Variants in NINL observed in about 807,000 individuals in gnomAD.
NINL encodes ninein like.
Under a neutral mutation model 160.3 loss-of-function variants are expected in NINL, and 153 were observed. The observed-to-expected ratio is 0.95, with a 90% CI of 0.84 to 1.09. The LOEUF is 1.09. Ranked by LOEUF, NINL falls within the 50% of genes least tolerant of loss-of-function variation. The pLI is 0.00. For missense variants in NINL, 1,829 were observed against 1,764.0 expected (o/e 1.04, Z -0.66); for synonymous variants, 800 against 734.8 (o/e 1.09, Z -1.43).
intron 5 of NINL, among the ~76,000 whole-genome samples, chr20:25,505,742 A>ATGGCTGGATGGATGGACAGG (rs2063950054): frequency 6.6e-6 from 1 of 152,222 alleles, no homozygotes; most frequent in Admixed American, 6.5e-5. Flanking sequence ...GGATGGACAG[A>ATGGCTGGATGGATGGACAGG]TAGCAGGATG....
In NINL at chr20:25,526,579, T is replaced by A. The variant is rs756408659; in HGVS notation, c.9A>T (p.Glu3Asp). The change falls in exon 2 of 24, where the codon GAA (glutamate) becomes GAT (aspartate). Residue 3 changes from glutamate to aspartate, a missense_variant. Coordinates refer to ENST00000278886, the MANE Select transcript of NINL (RefSeq NM_025176.6). MD[E>D]EENHYVSQLR... ...GCTGCGAGACATAGTGGTTCTCTTC[T>A]TCATCCATCCCATAGCAGGCTGGCA... 1 of 1,613,706 alleles carries A rather than the reference T, an allele frequency of 6.2e-7. No individual in the cohort carries two copies. The highest frequency in any genetic ancestry group is 8.5e-7 in the Non-Finnish European group (1 of 1,179,616).
intron 1 of NINL, among the ~76,000 whole-genome samples, chr20:25,553,970 T>A (rs906989743): frequency 1.3e-5 from 2 of 152,160 alleles, no homozygotes. Context: ...CAGCTGCAAA[T>A]AATAAACATG....
intron 7 of NINL, among the ~76,000 whole-genome samples, chr20:25,501,982 AAATTT>A (rs1336297483): frequency 1.3e-5 from 2 of 151,950 alleles, no homozygotes; most frequent in African/African-American, 4.8e-5. Context: ...AAATTAAATT[AAATTT>A]ATTTATTTAT....
At position 25,489,749 on chromosome 20, in the gene NINL, A is replaced by G. The variant is rs1306474039; in HGVS notation, c.1596+126T>C. 9.6e-6 allele frequency: 7 copies of G among 730,116 alleles called. No homozygotes were observed. The East Asian group carries it at 1.8e-4, about 19-fold the overall frequency. The allele number at this position is 730,116 out of a possible 1,614,324, so 45.2% of individuals were successfully genotyped here. On this transcript the variant is annotated intron_variant, in intron 12 of 23. Coordinates refer to ENST00000278886, the MANE Select transcript of NINL (RefSeq NM_025176.6). ...AAGGCCTCATGCTGACTTTCTCTTC[A>G]TTCTAAATTTTAGGAGAATACCGCA...
chr20:25,468,254 G>A (rs568099098), intron 18 of NINL, among the ~76,000 whole-genome samples: 4 of 128,590 alleles, frequency 3.1e-5, no homozygotes, highest in East Asian at 2.2e-4. Flanking sequence ...CTCTGTCCCC[G>A]CCAACTCTCA....
chr20:25,581,782 T>C (rs1456665488), intron 1 of NINL, among the ~76,000 whole-genome samples: 5 of 152,252 alleles, frequency 3.3e-5, no homozygotes, highest in Non-Finnish European at 7.3e-5. Flanking sequence ...CTTGTTATTC[T>C]ATTTTCCATC....
At chr20:25,539,639 G>A (rs560004782) in intron 1 of NINL, among the ~76,000 whole-genome samples, 34 of 152,232 alleles carry the variant, frequency 2.2e-4, no homozygotes, top group African/African-American at 7.5e-4. Context: ...TTCCAGAGGC[G>A]CCTAGCTGCA....
At chr20:25,565,075 TG>T (rs1244896748) in intron 1 of NINL, among the ~76,000 whole-genome samples, 2 of 152,196 alleles carry the variant, frequency 1.3e-5, no homozygotes, top group Non-Finnish European at 2.9e-5. Flanking sequence ...TCATAAGTTT[TG>T]TTACATCTCC....
In NINL at chr20:25,489,905, C is replaced by A. The variant is rs749022578; in HGVS notation, c.1566G>T (p.Gln522His). The A allele has an allele frequency of 1.9e-6, 3 of 1,614,210 alleles. No individual in the cohort carries two copies. Among genetic ancestry groups the A allele is most frequent in the Non-Finnish European group, 2.5e-6 (3 of 1,180,020 alleles). ...SDSERLALKL[Q>H]KDLEFVLKDK... ...CCTTCAGCACAAACTCCAGGTCCTT[C>A]TGCAGCTTCAGGGCCAGCCTCTCCG... The change falls in exon 12 of 24, where the codon CAG (glutamine) becomes CAT (histidine). Residue 522 changes from glutamine (Q) to histidine (H), a missense_variant. By Grantham distance (24) the Gln-to-His change is conservative. Coordinates refer to ENST00000278886, the MANE Select transcript of NINL (RefSeq NM_025176.6).
intron 7 of NINL, among the ~76,000 whole-genome samples, chr20:25,502,070 C>T (rs1409451848): frequency 1.3e-5 from 2 of 152,198 alleles, no homozygotes; most frequent in African/African-American, 4.8e-5. Context: ...AAACTTCTGC[C>T]TCCTAGGTTC....
intron 1 of NINL, among the ~76,000 whole-genome samples, chr20:25,570,270 A>G (rs1040690448): frequency 2.6e-5 from 4 of 152,170 alleles, no homozygotes; most frequent in African/African-American, 7.2e-5. Context: ...CCTCATGTTC[A>G]ACTATAATAC....
In NINL at chr20:25,536,413, T is replaced by C. The variant is rs115132604; in HGVS notation, c.-11-9815A>G. ...TTTGGAAAAAATAAGAATAAATTCA[T>C]TAAAAAGTAAGCCAGGGCTGGGAGC... On this transcript the variant is annotated intron_variant, in intron 1 of 23. Transcript: ENST00000278886. Among the ~76,000 whole-genome samples the C allele has an allele frequency of 3.7e-3, 556 of 152,242 alleles. 5 individuals carry two copies. Among genetic ancestry groups the C allele is most frequent in the African/African-American group, 0.012 (514 of 41,536 alleles).
At chr20:25,566,152 T>C (rs1297734369) in intron 1 of NINL, among the ~76,000 whole-genome samples, 2 of 152,166 alleles carry the variant, frequency 1.3e-5, no homozygotes, top group Admixed American at 6.5e-5. Context: ...CACAGACAGA[T>C]ACCCTGTTGG....
intron 1 of NINL, among the ~76,000 whole-genome samples, chr20:25,543,269 G>A (rs2064692036): frequency 6.6e-6 from 1 of 151,358 alleles, no homozygotes; most frequent in South Asian, 2.1e-4. Flanking sequence ...ATCAGTTGCA[G>A]CCGGGTGTGG....
At chr20:25,466,092 A>C (rs2062906464) in intron 19 of NINL, among the ~76,000 whole-genome samples, 1 of 151,888 alleles carries the variant, frequency 6.6e-6, no homozygotes, top group South Asian at 2.1e-4. Flanking sequence ...TACGATCTCT[A>C]CTCACTGTAG....
intron 17 of NINL, among the ~76,000 whole-genome samples, chr20:25,470,696 T>C (rs1319494532): frequency 6.6e-6 from 1 of 152,160 alleles, no homozygotes; most frequent in Non-Finnish European, 1.5e-5. Flanking sequence ...AATTTACCAA[T>C]GAAGATCACT....
rs73335389 is a variant in NINL, at chr20:25,525,820, G to A, written c.180+588C>T. On this transcript the variant is annotated intron_variant, in intron 2 of 23. Coordinates refer to ENST00000278886, the MANE Select transcript of NINL (RefSeq NM_025176.6). ...AGTGTTTTGATCATGAAAGCAGGTT[G>A]CAGTCTAGGACCAAGATCCCCATTC... Among the ~76,000 whole-genome samples the A allele has an allele frequency of 6.5e-3, 990 of 152,262 alleles. 16 individuals carry two copies. The highest frequency in any genetic ancestry group is 0.023 in the African/African-American group (948 of 41,532).
At chr20:25,562,156 C>A (rs1304635499) in intron 1 of NINL, among the ~76,000 whole-genome samples, 49 of 146,522 alleles carry the variant, frequency 3.3e-4, no homozygotes, top group African/African-American at 1.1e-3. Context: ...CGAGACGCCC[C>A]GTCCGGGAGG....
chr20:25,467,644 C>T (rs2062950338), intron 18 of NINL, among the ~76,000 whole-genome samples, 186 bp from the exon 19 acceptor site: 1 of 152,184 alleles, frequency 6.6e-6, no homozygotes, highest in Non-Finnish European at 1.5e-5. Context: ...AGACGACGAT[C>T]CCGTCTTCCA....
Sources: allele counts gnomAD v4.1 joint callset (sites outside exome capture counted in the v4.1 genomes callset), GRCh38; gene constraint gnomAD v4.1.1; transcripts MANE v1.5; gene names NCBI Gene and HGNC (gene_info 2026-07-23, HGNC 2026-07-21).